Variants in PCDHGB6 observed in about 807,000 individuals in gnomAD.
PCDHGB6 encodes the protein protocadherin gamma subfamily B, 6.
In PCDHGB6, 51 loss-of-function variants were observed where a neutral mutation model predicts 59.1. That is an observed-to-expected ratio of 0.86 (90% CI 0.69 to 1.09). The LOEUF is 1.09. Among genes scored for constraint, PCDHGB6 ranks in the 50% least tolerant of loss-of-function variants. The pLI, the probability that PCDHGB6 is intolerant of heterozygous loss-of-function variation, is 0.00. For synonymous variants in PCDHGB6, 466 were observed against 495.1 expected (o/e 0.94, Z 0.78); for missense variants, 1,148 against 1,205.1 (o/e 0.95, Z 0.70).
intron 1 of PCDHGB6, among the ~76,000 whole-genome samples, chr5:141,466,387 A>G (rs1312030857): frequency 1.3e-5 from 2 of 152,108 alleles, no homozygotes; most frequent in Non-Finnish European, 2.9e-5. Flanking sequence ...CATCTAATGG[A>G]AAGTTTGCTC....
At chr5:141,499,271 T>C (rs2099790752) in intron 2 of PCDHGB6, among the ~76,000 whole-genome samples, 1 of 152,180 alleles carries the variant, frequency 6.6e-6, no homozygotes, top group South Asian at 2.1e-4. Context: ...GTCCCTAGAC[T>C]GTTCTCTGAT....
chr5:141,510,893 G>C (rs1334514746), intron 3 of PCDHGB6, 54 bp from the exon 4 acceptor site: 1 of 1,612,722 alleles, frequency 6.2e-7, no homozygotes, highest in African/African-American at 1.3e-5. Context: ...ATAAGACAGT[G>C]ACTGTTGAGG....
intron 1 of PCDHGB6, among the ~76,000 whole-genome samples, chr5:141,460,961 A>G (rs113156768): frequency 0.11 from 16,010 of 144,518 alleles, 1,385 homozygotes; most frequent in African/African-American, 0.24. Context: ...GTATATATAT[A>G]TGTGTGTGTG....
rs1052219950 is a variant in PCDHGB6, at chr5:141,476,865, G to A, written c.2419-17942G>A. The A allele has an allele frequency of 1.2e-6, 2 of 1,613,752 alleles. No individual in the cohort carries two copies. Among genetic ancestry groups the A allele is most frequent in the African/African-American group, 1.3e-5 (1 of 74,958 alleles). On this transcript the variant is annotated intron_variant, in intron 1 of 3. Coordinates refer to ENST00000520790, the MANE Select transcript of PCDHGB6 (RefSeq NM_018926.3). This position sits in a 1 kb window ranked among gnomAD's most constrained non-coding sequence, Gnocchi z 7.6. ...CCTGTCTTCAACCAGTCCTTGTACC[G>A]GGCGCGCGTCCTGGAGGATGCACCC...
intron 2 of PCDHGB6, among the ~76,000 whole-genome samples, chr5:141,500,948 A>G (rs1055841985): frequency 1.8e-4 from 28 of 151,592 alleles, no homozygotes; most frequent in Non-Finnish European, 4.4e-5. Context: ...GGCTCACTGC[A>G]AGCTCCACCT....
intron 2 of PCDHGB6, among the ~76,000 whole-genome samples, chr5:141,500,428 C>G (rs1224554560): frequency 6.6e-6 from 1 of 151,836 alleles, no homozygotes; most frequent in African/African-American, 2.4e-5. Context: ...CCAGGATGGT[C>G]TCGATCTCCT....
intron 1 of PCDHGB6, among the ~76,000 whole-genome samples, chr5:141,439,459 A>ACTG (rs1234039449): frequency 6.6e-6 from 1 of 152,222 alleles, no homozygotes; most frequent in Non-Finnish European, 1.5e-5. Flanking sequence ...GCAAGACTGC[A>ACTG]CTGCTGCCTT....
At chr5:141,420,417 A>C (rs112493756) in intron 1 of PCDHGB6, 20 of 1,211,742 alleles carry the variant, frequency 1.7e-5, no homozygotes, top group Admixed American at 1.1e-4. Flanking sequence ...ATCATTATTA[A>C]AACAAAAGTT....
At chr5:141,481,913 C>CAAAAAA (rs34114744) in intron 1 of PCDHGB6, among the ~76,000 whole-genome samples, 2 of 90,846 alleles carry the variant, frequency 2.2e-5, no homozygotes, top group Non-Finnish European at 4.4e-5. Flanking sequence ...AACTCCATCT[C>CAAAAAA]AAAAAAAAAA....
rs751560177 is a variant in PCDHGB6 at position 141,432,962 on chromosome 5, G to T, written c.2418+22342G>T. 7 of 1,614,092 alleles carry T rather than the reference G, an allele frequency of 4.3e-6. No individual in the cohort carries two copies. The highest frequency in any genetic ancestry group is 5.9e-6 in the Non-Finnish European group (7 of 1,180,046). Reference sequence around the variant, plus strand: ...GGCTTCAGGAGGCGGCTTGACAGGAGCGCCGGCGTCGCACTTTGTGGGCGT... The same window carrying T: ...GGCTTCAGGAGGCGGCTTGACAGGATCGCCGGCGTCGCACTTTGTGGGCGT... On this transcript the variant is annotated intron_variant, in intron 1 of 3. Transcript: ENST00000520790. The surrounding 1 kb of genome is among the most constrained non-coding windows in gnomAD (Gnocchi z 6.0).
Position 141,432,244 on chromosome 5 carries a change from C to T in PCDHGB6, c.2418+21624C>T. 1 of 1,614,262 alleles carries T rather than the reference C, an allele frequency of 6.2e-7. No homozygotes were observed. Among genetic ancestry groups the T allele is most frequent in the Non-Finnish European group, 8.5e-7 (1 of 1,180,048 alleles). On this transcript the variant is annotated intron_variant, in intron 1 of 3. Coordinates refer to ENST00000520790, the MANE Select transcript of PCDHGB6 (RefSeq NM_018926.3). The surrounding 1 kb of genome is among the most constrained non-coding windows in gnomAD (Gnocchi z 6.0). ...TCACTTATTCCCTGGCTGAGAACAC[C>T]ATCCAAGGGGCAAGCCTATCGTCCT...
chr5:141,497,218 GA>G (rs1172998466), intron 2 of PCDHGB6, among the ~76,000 whole-genome samples: 1 of 149,792 alleles, frequency 6.7e-6, no homozygotes, highest in Non-Finnish European at 1.5e-5. Flanking sequence ...ATGGGGGGGG[GA>G]AGATCAGAGA....
chr5:141,489,174 C>A lies in PCDHGB6; in HGVS notation c.2419-5633C>A. On this transcript the variant is annotated intron_variant, in intron 1 of 3. Coordinates refer to ENST00000520790, the MANE Select transcript of PCDHGB6 (RefSeq NM_018926.3). The surrounding 1 kb of genome is among the most constrained non-coding windows in gnomAD (Gnocchi z 4.5). ...ATAAGAGACTTCAGCTGCTGCATTC[C>A]AAGCCCTGGGTCTACCTTGGAGACA... The A allele has an allele frequency of 8.2e-7, 1 of 1,224,772 alleles. No individual in the cohort carries two copies. 75.9% of individuals were successfully genotyped at this position (1,224,772 alleles called of 1,614,324 possible).
rs546494803 is a variant in PCDHGB6 at position 141,425,207 on chromosome 5, G to C, written c.2418+14587G>C. Among the ~76,000 whole-genome samples, 7 of 152,120 alleles carry C rather than the reference G, an allele frequency of 4.6e-5. No homozygotes were observed. In the East Asian group the frequency reaches 1.2e-3, roughly 25 times the overall value. ...TCCAAACTGAGAAAAATGATGTAAG[G>C]CATTGTACTTTGACTGGAATTAGTT... On this transcript the variant is annotated intron_variant, in intron 1 of 3. Transcript: ENST00000520790.
Position 141,485,738 on chromosome 5 carries a change from A to G in PCDHGB6, c.2419-9069A>G, listed in dbSNP as rs1443978038. Reference sequence around the variant, plus strand: ...GGATGTGAAGAAGCGCAGCGACGGCAGCCTGGTCCCAGAGCTGCTCCTGGA... The same window carrying G: ...GGATGTGAAGAAGCGCAGCGACGGCGGCCTGGTCCCAGAGCTGCTCCTGGA... On this transcript the variant is annotated intron_variant, in intron 1 of 3. Transcript: ENST00000520790. This position sits in a 1 kb window ranked among gnomAD's most constrained non-coding sequence, Gnocchi z 5.7. 1 of 1,614,230 alleles carries G rather than the reference A, an allele frequency of 6.2e-7. No individual in the cohort carries two copies.
At position 141,409,480 on chromosome 5, in the gene PCDHGB6, CAG is replaced by C. The variant is rs761811893; in HGVS notation, c.1279_1280del (p.Arg427GlyfsTer9). 9 of 1,614,002 alleles carry C rather than the reference CAG, an allele frequency of 5.6e-6. No homozygotes were observed. In the Admixed American group the frequency reaches 8.3e-5, roughly 15 times the overall value. On this transcript the variant is annotated frameshift_variant, in exon 1 of 4. Transcript: ENST00000520790. LOFTEE classifies it high-confidence loss of function. ...EYNVTIVATD[R>X]GKPPLSSSRS... ...ACAATGTCACCATCGTAGCCACTGA[CAG>C]GGGCAAGCCGCCTCTTTCTTCCAGT...
chr5:141,408,864 C>T lies in PCDHGB6; in HGVS notation c.662C>T (p.Pro221Leu). 2 of 1,613,638 alleles carry T rather than the reference C, an allele frequency of 1.2e-6. No individual in the cohort carries two copies. The highest frequency in any genetic ancestry group is 8.5e-7 in the Non-Finnish European group (1 of 1,179,818). The change falls in exon 1 of 4, where the codon CCA becomes CTA. Residue 221 changes from proline to leucine, a missense_variant. Around this residue, in one of 5 missense-constraint regions of PCDHGB6, gnomAD observed 307 missense variants for 323.8 expected, o/e 0.95. Coordinates refer to ENST00000520790, the MANE Select transcript of PCDHGB6 (RefSeq NM_018926.3). The stretch of plus-strand genomic sequence containing the variant: ...ACTGCCTTGGACGGAGGGGACCCAC[C>T]AAGAAGTGCCACCGCTCACATAGAA... ...ILTALDGGDP[P>L]RSATAHIEIS...
intron 1 of PCDHGB6, among the ~76,000 whole-genome samples, chr5:141,453,360 C>T (rs966238012): frequency 6.6e-6 from 1 of 152,000 alleles, no homozygotes; most frequent in Non-Finnish European, 1.5e-5. Context: ...CCCTGAACTC[C>T]TGGGGTCAAG....
chr5:141,423,661 GT>G, intron 1 of PCDHGB6: 1 of 1,555,760 alleles, frequency 6.4e-7, no homozygotes. Flanking sequence ...AAGTAATCAG[GT>G]GAGATTTATT....
Sources: allele counts gnomAD v4.1 joint callset (sites outside exome capture counted in the v4.1 genomes callset), GRCh38; gene constraint gnomAD v4.1.1; regional missense constraint gnomAD v4.1.1; non-coding constraint Gnocchi (gnomAD v3.1); transcripts MANE v1.5; gene names NCBI Gene and HGNC (gene_info 2026-07-23, HGNC 2026-07-21).